The following POGLUT1 variants were observed in gnomAD, a reference collection of about 807,000 sequenced individuals.
The protein encoded by POGLUT1 is protein O-glucosyltransferase 1, also known as 9630046K23Rik.
A neutral mutation model predicts 61.3 loss-of-function variants in POGLUT1; 32 were observed. That is an observed-to-expected ratio of 0.52 (90% confidence interval 0.39 to 0.70). POGLUT1 has a LOEUF of 0.70. Ranked by LOEUF, POGLUT1 falls within the 30% of genes least tolerant of loss-of-function variation. POGLUT1 has a pLI of 0.00. For synonymous variants in POGLUT1, 158 were observed against 158.2 expected, an observed-to-expected ratio of 1.00 and a Z score of 0.01; for missense variants, 411 against 469.8, an observed-to-expected ratio of 0.87 and a Z score of 1.16.
chr3:119,486,303 C>T (rs2081662947), intron 6 of POGLUT1, among the ~76,000 whole-genome samples: 1 of 152,142 alleles, frequency 6.6e-6, no homozygotes, highest in Non-Finnish European at 1.5e-5. Flanking sequence ...ATCCATGATG[C>T]CTCACATGTC....
rs1435173754 is a variant in POGLUT1 at position 119,471,171 on chromosome 3, A to C, written c.177-138A>C. The C allele has an allele frequency of 4.1e-6, 3 of 731,030 alleles. No homozygotes were observed. In the East Asian group the frequency reaches 7.4e-5, roughly 18 times the overall value. 45.3% of individuals were successfully genotyped at this position (731,030 alleles called of 1,614,324 possible). A position where few individuals can be genotyped will look rare whatever the true frequency, so the allele number is the denominator to read the frequency against. On this transcript the variant is annotated intron_variant, in intron 2 of 10. Transcript: ENST00000295588. ...ATTACCTACAGGGCTTCTAGGGAAGAGCTGCTCATTCTCACTCTCGATTCT... is the reference window on the plus strand; with the variant it reads ...ATTACCTACAGGGCTTCTAGGGAAGCGCTGCTCATTCTCACTCTCGATTCT...
intron 2 of POGLUT1, among the ~76,000 whole-genome samples, 178 bp from the exon 3 acceptor site, chr3:119,471,131 C>A (rs547119031): frequency 3.3e-5 from 5 of 152,358 alleles, no homozygotes; most frequent in African/African-American, 1.2e-4. Flanking sequence ...TGCTTTATTG[C>A]ATTTGATGTT....
At chr3:119,470,020 T>C (rs2081451535) in intron 2 of POGLUT1, 110 bp downstream of exon 2, 1 of 706,150 alleles carries the variant, frequency 1.4e-6, no homozygotes, top group East Asian at 2.6e-5. Context: ...AAGGATGTTT[T>C]TCTATTTCTG....
chr3:119,490,293 A>G (rs1371046294), intron 8 of POGLUT1: 5 of 466,356 alleles, frequency 1.1e-5, no homozygotes, highest in East Asian at 7.8e-5. Context: ...TCCTGACCCT[A>G]TCTAGTGCTG....
At position 119,486,923 on chromosome 3, in the gene POGLUT1, A is replaced by T; in HGVS notation, c.729A>T (p.Lys243Asn). 5 of 1,608,322 alleles carry T rather than the reference A, an allele frequency of 3.1e-6. No homozygotes were observed. Among genetic ancestry groups the T allele is most frequent in the Non-Finnish European group, 4.3e-6 (5 of 1,174,736 alleles). The stretch of plus-strand genomic sequence containing the variant: ...AATACACCAAAAACCAGGCCTGGAA[A>T]TCTATGAAAGTAATCACCAGTCATC... ...DAEYTKNQAWKSMKDTLGKPA... is the reference protein window; with the variant it reads ...DAEYTKNQAWNSMKDTLGKPA... Residue 243 changes from lysine (K) to asparagine (N), a missense_variant, in exon 7 of 11, where the codon AAA becomes AAT. Physicochemically the swap from Lys to Asn is moderately conservative, Grantham distance 94. Coordinates refer to ENST00000295588, the MANE Select transcript of POGLUT1 (RefSeq NM_152305.3).
chr3:119,471,578 A>G (rs373940219), intron 3 of POGLUT1, 126 bp downstream of exon 3: 29 of 868,172 alleles, frequency 3.3e-5, no homozygotes, highest in South Asian at 1.4e-4. Flanking sequence ...CGGACTATGA[A>G]ATAGTGACGA....
intron 10 of POGLUT1, 108 bp downstream of exon 10, chr3:119,491,682 C>A: frequency 1.8e-6 from 1 of 571,342 alleles, no homozygotes; most frequent in Non-Finnish European, 3.2e-6. Context: ...GTATTTTATC[C>A]TCATTATATG....
intron 3 of POGLUT1, among the ~76,000 whole-genome samples, chr3:119,473,606 G>A (rs964526865): frequency 2.6e-5 from 4 of 151,106 alleles, no homozygotes; most frequent in Admixed American, 6.6e-5. Context: ...ACAGTCGTAT[G>A]ATATCTCAAA....
chr3:119,482,069 A>G (rs1195971994), intron 5 of POGLUT1, among the ~76,000 whole-genome samples: 1 of 152,150 alleles, frequency 6.6e-6, no homozygotes, highest in East Asian at 1.9e-4. Context: ...CTAAGCTGGA[A>G]AAAAGGTTTT....
intron 3 of POGLUT1, among the ~76,000 whole-genome samples, chr3:119,474,286 C>G (rs1247365108): frequency 1.3e-5 from 2 of 152,146 alleles, no homozygotes; most frequent in Non-Finnish European, 2.9e-5. Context: ...TAAATATGTA[C>G]AATTATTATT....
chr3:119,484,801 G>A (rs1226511082), intron 5 of POGLUT1, among the ~76,000 whole-genome samples: 1 of 152,172 alleles, frequency 6.6e-6, no homozygotes, highest in African/African-American at 2.4e-5. Context: ...ACTTGTTAAT[G>A]GGGAGTAGAT....
chr3:119,472,085 T>TA (rs2081480385), intron 3 of POGLUT1, among the ~76,000 whole-genome samples: 1 of 152,126 alleles, frequency 6.6e-6, no homozygotes, highest in Admixed American at 6.5e-5. Flanking sequence ...AGACCTGAGG[T>TA]ACCATGTCAG....
At chr3:119,477,981 A>G (rs1293619032) in intron 4 of POGLUT1, 2 of 233,706 alleles carry the variant, frequency 8.6e-6, no homozygotes, top group Admixed American at 1.0e-4. Context: ...GAGATAGCCT[A>G]GAGGGCTATG....
chr3:119,488,769 C>T, intron 7 of POGLUT1, 160 bp from the exon 8 acceptor site: 1 of 412,528 alleles, frequency 2.4e-6, no homozygotes, highest in Non-Finnish European at 4.4e-6. Flanking sequence ...AAAGCCTTGG[C>T]TTCTGCATTT....
chr3:119,492,451 G>C lies in POGLUT1; in HGVS notation c.*13G>C. The C allele has an allele frequency of 1.3e-6, 2 of 1,542,522 alleles. No homozygotes were observed. The highest frequency in any genetic ancestry group is 1.8e-6 in the Non-Finnish European group (2 of 1,133,250). The stretch of plus-strand genomic sequence containing the variant: ...AACTGAACTATAGTAGTCATCATAG[G>C]ACCATAGTCCTCTTTGTGGCAACAG... On this transcript the variant is annotated 3_prime_UTR_variant, in exon 11 of 11. Transcript: ENST00000295588.
chr3:119,469,208 C>CGCTG (rs770439880), intron 1 of POGLUT1, 102 bp downstream of exon 1: 1 of 909,768 alleles, frequency 1.1e-6, no homozygotes, highest in South Asian at 1.4e-5. Context: ...ATGCCGTGGC[C>CGCTG]GCTGTAGCTC....
chr3:119,493,834 C>T lies in POGLUT1; in HGVS notation c.*1396C>T, dbSNP rs533581464. On this transcript the variant is annotated 3_prime_UTR_variant, in exon 11 of 11. Transcript: ENST00000295588. ...TTTTTTTTTTTTTTTTGAGTACTAG[C>T]AATGCACAGGGACCGTGTTCTTAGG... The T allele has an allele frequency of 1.8e-3, 216 of 119,090 alleles. No homozygotes were observed. Among genetic ancestry groups the T allele is most frequent in the African/African-American group, 8.4e-3 (210 of 25,128 alleles). The allele number at this position is 119,090 out of a possible 1,614,324, so 7.4% of individuals were successfully genotyped here. A position where few individuals can be genotyped will look rare whatever the true frequency, so the allele number is the denominator to read the frequency against.
rs755951748 is a variant in POGLUT1 at position 119,477,467 on chromosome 3, A to T, written c.456+19A>T. On this transcript the variant is annotated intron_variant, in intron 4 of 10. Transcript: ENST00000295588. ...CAGTAAGGTAAGTACAGGGAGAGCCACATGGGTGGATGGAGAGTGGTCCTC... is the reference window on the plus strand; with the variant it reads ...CAGTAAGGTAAGTACAGGGAGAGCCTCATGGGTGGATGGAGAGTGGTCCTC... 1.9e-6 allele frequency: 3 copies of T among 1,612,254 alleles called. No individual in the cohort carries two copies. In the Admixed American group the frequency reaches 5.0e-5, roughly 27 times the overall value.
intron 1 of POGLUT1, 155 bp downstream of exon 1, chr3:119,469,261 G>C (rs1479391458): frequency 9.3e-6 from 6 of 647,708 alleles, no homozygotes; most frequent in Admixed American, 7.5e-5. Flanking sequence ...GGCGGAGAGT[G>C]AGGTGCCGGG....
Sources: gnomAD v4.1 joint callset for allele counts (sites outside exome capture counted in the v4.1 genomes callset) on GRCh38, gnomAD v4.1.1 for gene constraint, MANE v1.5 for transcripts, NCBI Gene and HGNC (gene_info 2026-07-23, HGNC 2026-07-21) for gene names.